Variants in DLGAP1 observed in about 807,000 individuals in gnomAD.
The protein encoded by DLGAP1 is disks large-associated protein 1.
In DLGAP1, 11 loss-of-function variants were observed where a neutral mutation model predicts 90.8. That is an observed-to-expected ratio of 0.12 (90% CI 0.08 to 0.20). DLGAP1 has a LOEUF of 0.20. DLGAP1 is among the 10% of genes least tolerant of loss of function. DLGAP1 has a pLI of 1.00. For missense variants in DLGAP1, 1,050 were observed against 1,333.8 expected, an observed-to-expected ratio of 0.79 and a Z score of 3.31; for synonymous variants, 558 against 540.7, an observed-to-expected ratio of 1.03 and a Z score of -0.44.
chr18:4,060,795 C>T (rs1479883674), intron 2 of DLGAP1, among the ~76,000 whole-genome samples: 6 of 151,830 alleles, frequency 4.0e-5, no homozygotes, highest in Non-Finnish European at 7.4e-5. Flanking sequence ...TGTCCTAAAG[C>T]AAAATGACTG....
At chr18:3,508,515 A>G in intron 11 of DLGAP1, 55 bp downstream of exon 11, 1 of 1,339,804 alleles carries the variant, frequency 7.5e-7, no homozygotes, top group South Asian at 1.3e-5. Context: ...AGTCTTGGTG[A>G]CATGTTCTTC....
At chr18:4,271,813 A>G (rs2079291315) in intron 1 of DLGAP1, among the ~76,000 whole-genome samples, 1 of 152,200 alleles carries the variant, frequency 6.6e-6, no homozygotes, top group Admixed American at 6.5e-5. Flanking sequence ...TGATGTAAAT[A>G]TTGATTATGC....
intron 1 of DLGAP1, among the ~76,000 whole-genome samples, chr18:4,397,897 A>G (rs1008396134): frequency 2.0e-5 from 3 of 152,098 alleles, no homozygotes; most frequent in Admixed American, 1.3e-4. Context: ...TTTATGAGTG[A>G]AAAAAAGGTT....
chr18:3,998,138 T>C (rs994876225), intron 3 of DLGAP1, among the ~76,000 whole-genome samples: 6 of 152,214 alleles, frequency 3.9e-5, no homozygotes, highest in Admixed American at 2.6e-4. Context: ...AAAATGGCAA[T>C]ACTCAAATTT....
At chr18:3,575,637 G>A (rs944602347) in intron 8 of DLGAP1, among the ~76,000 whole-genome samples, 5 of 152,190 alleles carry the variant, frequency 3.3e-5, no homozygotes, top group Middle Eastern at 3.4e-3. Flanking sequence ...TGTACTGTAC[G>A]AACTCTTTAT....
intron 1 of DLGAP1, among the ~76,000 whole-genome samples, chr18:4,162,347 A>C (rs2144516286): frequency 6.6e-6 from 1 of 152,308 alleles, no homozygotes; most frequent in African/African-American, 2.4e-5. Context: ...AGAGATGATA[A>C]GATAGGGTCT....
chr18:3,766,770 C>A (rs2147966872), intron 5 of DLGAP1, among the ~76,000 whole-genome samples: 1 of 152,112 alleles, frequency 6.6e-6, no homozygotes, highest in East Asian at 1.9e-4. Context: ...ATACACTGAA[C>A]TGGAGGAAAA....
chr18:4,185,647 G>A (rs1263428644), intron 1 of DLGAP1, among the ~76,000 whole-genome samples: 5 of 151,952 alleles, frequency 3.3e-5, no homozygotes, highest in Non-Finnish European at 7.4e-5. Flanking sequence ...TTGGACATTT[G>A]ATGGACATTT....
chr18:4,351,911 T>C (rs1021676685), intron 1 of DLGAP1, among the ~76,000 whole-genome samples: 5 of 152,322 alleles, frequency 3.3e-5, no homozygotes, highest in African/African-American at 9.6e-5. Flanking sequence ...TTCTTTCTGT[T>C]AAAAGCAACA....
At chr18:3,881,233 C>T (rs1599098171) in intron 3 of DLGAP1, among the ~76,000 whole-genome samples, 1 of 152,022 alleles carries the variant, frequency 6.6e-6, no homozygotes, top group East Asian at 2.0e-4. Flanking sequence ...CAAGTGATTC[C>T]CCTGCCCCAG....
chr18:3,510,747 C>G (rs2050495019), intron 10 of DLGAP1, among the ~76,000 whole-genome samples: 1 of 152,184 alleles, frequency 6.6e-6, no homozygotes, highest in African/African-American at 2.4e-5. Context: ...TCCAGCTATT[C>G]TGACTTACCT....
At position 4,062,701 on chromosome 18, in the gene DLGAP1, A is replaced by C. The variant is rs186746770; in HGVS notation, c.-158-57500T>G. ...TTTATTTTGCAAACAAATCAGTCTC[A>C]TTATGATTTGTTTTTAATAAAAATG... On this transcript the variant is annotated intron_variant, in intron 2 of 12. Transcript: ENST00000315677. Among the ~76,000 whole-genome samples, 460 of 152,300 alleles carry C rather than the reference A, an allele frequency of 3.0e-3. 3 individuals carry two copies. Among genetic ancestry groups the C allele is most frequent in the African/African-American group, 0.011 (450 of 41,574 alleles).
chr18:4,009,038 G>A (rs556472620), intron 2 of DLGAP1, among the ~76,000 whole-genome samples: 1 of 152,318 alleles, frequency 6.6e-6, no homozygotes, highest in Admixed American at 6.5e-5. Context: ...GGAGTAGCTG[G>A]AACTGCAAGG....
intron 1 of DLGAP1, among the ~76,000 whole-genome samples, chr18:4,284,315 G>A (rs1451355147): frequency 1.3e-5 from 2 of 151,826 alleles, no homozygotes; most frequent in Admixed American, 6.6e-5. Flanking sequence ...AGTACAAGCC[G>A]AACACAGGCA....
At chr18:4,374,574 ATAGTT>A (rs1321824376) in intron 1 of DLGAP1, among the ~76,000 whole-genome samples, 2 of 152,170 alleles carry the variant, frequency 1.3e-5, no homozygotes, top group Non-Finnish European at 2.9e-5. Context: ...AAAATGACAT[ATAGTT>A]TAAAGATTCT....
intron 7 of DLGAP1, among the ~76,000 whole-genome samples, chr18:3,617,155 G>A (rs2057903332): frequency 6.6e-6 from 1 of 152,174 alleles, no homozygotes; most frequent in Admixed American, 6.5e-5. Context: ...GAAGTGATGA[G>A]ATGATTGCTT....
At chr18:4,439,618 C>A (rs910126909) in intron 1 of DLGAP1, among the ~76,000 whole-genome samples, 10 of 151,736 alleles carry the variant, frequency 6.6e-5, no homozygotes, top group African/African-American at 2.4e-4. Flanking sequence ...CCAGCCTGGG[C>A]AACATAGTAT....
rs1555623972 is a variant in DLGAP1, at chr18:3,674,296, A to ATATATATATATATATATATAT, written c.1591+54838_1591+54839insATATATATATATATATATATA. Among the ~76,000 whole-genome samples, 437 of 128,918 alleles carry ATATATATATATATATATATAT rather than the reference A, an allele frequency of 3.4e-3. 8 individuals are homozygous for ATATATATATATATATATATAT. Among genetic ancestry groups the ATATATATATATATATATATAT allele is most frequent in the South Asian group, 5.5e-3 (24 of 4,394 alleles). 84.6% of individuals were successfully genotyped at this position (128,918 alleles called of 152,430 possible). A position where few individuals can be genotyped will look rare whatever the true frequency, so the allele number is the denominator to read the frequency against. The stretch of plus-strand genomic sequence containing the variant: ...TGAGATCTTGTCTCTATAATATTAA[A>ATATATATATATATATATATAT]ATATATATATATATATGTATATTTT... On this transcript the variant is annotated intron_variant, in intron 7 of 12. Coordinates refer to ENST00000315677, the MANE Select transcript of DLGAP1 (RefSeq NM_004746.4).
intron 7 of DLGAP1, among the ~76,000 whole-genome samples, chr18:3,669,596 C>G (rs964094564): frequency 1.3e-5 from 2 of 152,182 alleles, no homozygotes. Context: ...TGCCATCGAC[C>G]CGCGACCTGC....
Sources: gnomAD v4.1 joint callset for allele counts (sites outside exome capture counted in the v4.1 genomes callset) on GRCh38, gnomAD v4.1.1 for gene constraint, MANE v1.5 for transcripts, NCBI Gene and HGNC (gene_info 2026-07-23, HGNC 2026-07-21) for gene names.